The following ST3GAL3 variants were observed in gnomAD, a reference collection of about 807,000 sequenced individuals.
ST3GAL3 encodes the protein ST3 beta-galactoside alpha-2,3-sialyltransferase 3.
Under a neutral mutation model 50.1 loss-of-function variants are expected in ST3GAL3, and 21 were observed. That is an observed-to-expected ratio of 0.42 (90% CI 0.30 to 0.60). The LOEUF is 0.60. Among genes scored for constraint, ST3GAL3 ranks in the 20% least tolerant of loss-of-function variants. The probability of loss-of-function intolerance (pLI) is 0.19; values close to 1 mark genes in which losing one functional copy is unlikely to be tolerated. For synonymous variants in ST3GAL3, 183 were observed against 190.0 expected, an observed-to-expected ratio of 0.96 and a Z score of 0.30; for missense variants, 353 against 489.4, an observed-to-expected ratio of 0.72 and a Z score of 2.63.
At chr1:43,723,203 G>A (rs1017464460) in intron 1 of ST3GAL3, among the ~76,000 whole-genome samples, 1 of 151,602 alleles carries the variant, frequency 6.6e-6, no homozygotes, top group African/African-American at 2.4e-5. Context: ...CAGCCTCCCA[G>A]ATTCAAGTGA....
intron 5 of ST3GAL3, among the ~76,000 whole-genome samples, chr1:43,891,234 A>G (rs913183759): frequency 2.0e-5 from 3 of 152,238 alleles, no homozygotes; most frequent in Admixed American, 6.5e-5. Context: ...AGCCAAGTTG[A>G]AAAGACTCCA....
intron 4 of ST3GAL3, 46 bp downstream of exon 4, chr1:43,814,979 G>A: frequency 1.3e-6 from 2 of 1,591,408 alleles, no homozygotes; most frequent in Non-Finnish European, 1.7e-6. Flanking sequence ...AGAGAGGTCT[G>A]TGAGAGCTGG....
intron 11 of ST3GAL3, chr1:43,922,208 A>G (rs1394655927): frequency 6.5e-6 from 1 of 152,820 alleles, no homozygotes; most frequent in Non-Finnish European, 1.5e-5. Context: ...TCTACTAAAA[A>G]TAGGAAAAAT....
chr1:43,749,179 C>T (rs1243672869), intron 2 of ST3GAL3, among the ~76,000 whole-genome samples: 2 of 152,118 alleles, frequency 1.3e-5, no homozygotes, highest in African/African-American at 4.8e-5. Flanking sequence ...CAATTCCTAC[C>T]TCACACCATA....
chr1:43,786,612 T>TAC (rs1330853130), intron 2 of ST3GAL3, among the ~76,000 whole-genome samples: 1 of 152,230 alleles, frequency 6.6e-6, no homozygotes, highest in Non-Finnish European at 1.5e-5. Context: ...ATATTCTTCG[T>TAC]ACTGCTTATC....
At chr1:43,730,713 G>A (rs1470465837) in intron 1 of ST3GAL3, among the ~76,000 whole-genome samples, 2 of 151,624 alleles carry the variant, frequency 1.3e-5, no homozygotes, top group African/African-American at 4.8e-5. Context: ...TAGGACTACA[G>A]GCCCATGCCA....
In ST3GAL3 at chr1:43,881,374, A is replaced by G. The variant is rs180904758; in HGVS notation, c.303-13009A>G. 3.2e-4 allele frequency among the ~76,000 whole-genome samples: 48 copies of G among 152,350 alleles called. No individual in the cohort carries two copies. The East Asian group carries it at 8.9e-3, about 28-fold the overall frequency. On this transcript the variant is annotated intron_variant, in intron 5 of 11. Transcript: ENST00000347631. ...TGAGATAAGCTGGGGCTTAGCACAT[A>G]TTAGAGACACAGACGGTAGATGCTG...
chr1:43,785,996 T>C (rs1485152553), intron 2 of ST3GAL3, among the ~76,000 whole-genome samples: 1 of 152,192 alleles, frequency 6.6e-6, no homozygotes, highest in East Asian at 1.9e-4. Context: ...CACTACATCC[T>C]GAAGTTTTCC....
intron 2 of ST3GAL3, among the ~76,000 whole-genome samples, chr1:43,787,614 G>A (rs534329421): frequency 6.8e-4 from 103 of 152,302 alleles, no homozygotes; most frequent in African/African-American, 2.4e-3. Context: ...ATGTGTGATC[G>A]TAAGAGCATT....
At chr1:43,894,719 A>G (rs560415466) in intron 6 of ST3GAL3, among the ~76,000 whole-genome samples, 21 of 151,226 alleles carry the variant, frequency 1.4e-4, no homozygotes, top group African/African-American at 4.1e-4. Context: ...GGCTCACACA[A>G]TCTCCACCTT....
chr1:43,722,822 AGAT>A (rs1383595637), intron 1 of ST3GAL3, among the ~76,000 whole-genome samples: 1 of 152,216 alleles, frequency 6.6e-6, no homozygotes, highest in Non-Finnish European at 1.5e-5. Context: ...TGAAACATCT[AGAT>A]GATGAGGTAT....
At chr1:43,896,812 T>C (rs2077451578) in intron 6 of ST3GAL3, 1 of 152,238 alleles carries the variant, frequency 6.6e-6, no homozygotes, top group Admixed American at 6.5e-5. Flanking sequence ...CCCAAAGTGC[T>C]GGGATTACAG....
At chr1:43,820,015 G>C (rs1320976139) in intron 4 of ST3GAL3, among the ~76,000 whole-genome samples, 2 of 152,118 alleles carry the variant, frequency 1.3e-5, no homozygotes, top group African/African-American at 4.8e-5. Context: ...GCAATTCTAA[G>C]CAAAAAGAAC....
At chr1:43,827,490 A>G (rs1013223614) in intron 4 of ST3GAL3, among the ~76,000 whole-genome samples, 1 of 152,112 alleles carries the variant, frequency 6.6e-6, no homozygotes, top group African/African-American at 2.4e-5. Flanking sequence ...TTTTGATAGA[A>G]GGACTCAGTA....
At position 43,930,515 on chromosome 1, in the gene ST3GAL3, A is replaced by T. The variant is rs2084878535; in HGVS notation, c.*294A>T. ...GGGCAGCAAGGCTGCTGCCGGAATC[A>T]CTTCTCCAATCAGTGTTTGGTGTAT... On this transcript the variant is annotated 3_prime_UTR_variant, in exon 12 of 12. Transcript: ENST00000347631. 3.7e-6 allele frequency: 2 copies of T among 535,038 alleles called. No individual in the cohort carries two copies. Among genetic ancestry groups the T allele is most frequent in the South Asian group, 2.0e-5 (1 of 48,988 alleles). The allele number at this position is 535,038 out of a possible 1,614,324, so 33.1% of individuals were successfully genotyped here.
intron 2 of ST3GAL3, among the ~76,000 whole-genome samples, chr1:43,744,758 T>C (rs933860815): frequency 6.6e-5 from 10 of 151,528 alleles, no homozygotes; most frequent in African/African-American, 2.2e-4. Context: ...TACCAGCACT[T>C]TGGGAGGCTG....
chr1:43,728,311 C>T (rs1673930935), intron 1 of ST3GAL3, among the ~76,000 whole-genome samples: 1 of 151,614 alleles, frequency 6.6e-6, no homozygotes, highest in Non-Finnish European at 1.5e-5. Context: ...TGCACTCCAG[C>T]CTGGGCAACA....
At chr1:43,820,120 A>G (rs1558451650) in intron 4 of ST3GAL3, among the ~76,000 whole-genome samples, 1 of 152,186 alleles carries the variant, frequency 6.6e-6, no homozygotes, top group Non-Finnish European at 1.5e-5. Flanking sequence ...ACATAGACCA[A>G]TGGAACATAA....
chr1:43,707,547 A>G lies in ST3GAL3; in HGVS notation c.-177A>G, dbSNP rs1050816971. On this transcript the variant is annotated 5_prime_UTR_variant, in exon 1 of 12. Coordinates refer to ENST00000347631, the MANE Select transcript of ST3GAL3 (RefSeq NM_006279.5). ...GCGCTCCGCCCGCCGCTGCGTCCCC[A>G]CTATGGCGGCGCCCATGCAGCCCAG... The G allele has an allele frequency of 6.6e-6, 1 of 151,606 alleles. No individual in the cohort carries two copies. Among genetic ancestry groups the G allele is most frequent in the Admixed American group, 6.6e-5 (1 of 15,234 alleles). The allele number at this position is 151,606 out of a possible 1,614,324, so 9.4% of individuals were successfully genotyped here.
Sources: allele counts gnomAD v4.1 joint callset (sites outside exome capture counted in the v4.1 genomes callset), GRCh38; gene constraint gnomAD v4.1.1; transcripts MANE v1.5; gene names NCBI Gene and HGNC (gene_info 2026-07-23, HGNC 2026-07-21).